CCSER1: variants seen among roughly 807,000 people sequenced by gnomAD.
CCSER1 encodes serine-rich coiled-coil domain-containing protein 1.
Under a neutral mutation model 82.0 loss-of-function variants are expected in CCSER1, and 41 were observed. That is an observed-to-expected ratio of 0.50 (90% CI 0.39 to 0.65). The LOEUF is 0.65. CCSER1 is among the 30% of genes least tolerant of loss of function. The probability of loss-of-function intolerance (pLI) is 0.00; values close to 1 mark genes in which losing one functional copy is unlikely to be tolerated. For missense variants in CCSER1, 1,119 were observed against 1,064.2 expected, an observed-to-expected ratio of 1.05 and a Z score of -0.72; for synonymous variants, 414 against 383.9, an observed-to-expected ratio of 1.08 and a Z score of -0.92.
chr4:91,197,734 C>T (rs1057304986), intron 10 of CCSER1, among the ~76,000 whole-genome samples: 1 of 152,140 alleles, frequency 6.6e-6, no homozygotes, highest in Admixed American at 6.5e-5. Context: ...TGGACAGCAG[C>T]ACTCTAACCC....
intron 10 of CCSER1, among the ~76,000 whole-genome samples, chr4:91,327,188 TAG>T (rs1444686463): frequency 6.6e-6 from 1 of 152,188 alleles, no homozygotes; most frequent in African/African-American, 2.4e-5. Flanking sequence ...ACTTCCCTAG[TAG>T]AGTTTCTCCG....
At chr4:90,209,403 C>T (rs1192803033) in intron 1 of CCSER1, among the ~76,000 whole-genome samples, 1 of 152,084 alleles carries the variant, frequency 6.6e-6, no homozygotes, top group Non-Finnish European at 1.5e-5. Context: ...TGAGGGCAAT[C>T]AGTTCTAAGG....
At chr4:90,767,516 A>C (rs904615483) in intron 7 of CCSER1, among the ~76,000 whole-genome samples, 3 of 152,190 alleles carry the variant, frequency 2.0e-5, no homozygotes, top group Non-Finnish European at 1.5e-5. Context: ...TTGTGAACTT[A>C]AAAGGCAACT....
intron 10 of CCSER1, among the ~76,000 whole-genome samples, chr4:91,561,698 A>T (rs1399905141): frequency 2.0e-5 from 3 of 151,466 alleles, no homozygotes; most frequent in Non-Finnish European, 3.0e-5. Context: ...GAAATCAATA[A>T]ATGTTTTTAT....
rs1463582532 is a variant in CCSER1 at position 90,271,858 on chromosome 4, A to T, written c.-41-36386A>T. On this transcript the variant is annotated intron_variant, in intron 1 of 10. Coordinates refer to ENST00000509176, the MANE Select transcript of CCSER1 (RefSeq NM_001145065.2). ...TATATATATATATATATATATATAT[A>T]TATATTTTTTTTTTTTTTTTTTTTT... Among the ~76,000 whole-genome samples, 71 of 24,362 alleles carry T rather than the reference A, an allele frequency of 2.9e-3. 2 individuals carry two copies. The highest frequency in any genetic ancestry group is 0.011 in the African/African-American group (27 of 2,480). The allele number at this position is 24,362 out of a possible 152,430, so 16.0% of individuals were successfully genotyped here.
intron 1 of CCSER1, among the ~76,000 whole-genome samples, chr4:90,283,453 G>T (rs190740804): frequency 4.1e-4 from 62 of 151,730 alleles, no homozygotes; most frequent in African/African-American, 1.4e-3. Flanking sequence ...CAGGATAATT[G>T]GAAAAATATC....
intron 9 of CCSER1, among the ~76,000 whole-genome samples, chr4:91,023,854 A>G (rs545428447): frequency 1.3e-5 from 2 of 152,296 alleles, no homozygotes; most frequent in South Asian, 4.1e-4. Context: ...GACCCACAAA[A>G]TGTTGCTGAT....
intron 9 of CCSER1, among the ~76,000 whole-genome samples, chr4:91,031,284 GTCT>G (rs1350435177): frequency 3.9e-5 from 6 of 152,228 alleles, no homozygotes; most frequent in African/African-American, 1.4e-4. Context: ...TTGGGATAAA[GTCT>G]TCTTCTGATA....
chr4:91,419,570 C>T (rs2149381742), intron 10 of CCSER1, among the ~76,000 whole-genome samples: 1 of 152,028 alleles, frequency 6.6e-6, no homozygotes, highest in East Asian at 1.9e-4. Context: ...GGCACAAATG[C>T]AAAGGTATCT....
chr4:90,756,734 G>A (rs1009785742), intron 7 of CCSER1, among the ~76,000 whole-genome samples: 5 of 152,106 alleles, frequency 3.3e-5, no homozygotes, highest in African/African-American at 1.2e-4. Flanking sequence ...GAATTACCAG[G>A]AGACAAGAAC....
chr4:90,629,434 C>A (rs142932041), intron 6 of CCSER1, among the ~76,000 whole-genome samples: 1 of 152,172 alleles, frequency 6.6e-6, no homozygotes, highest in African/African-American at 2.4e-5. Context: ...ACGTCTTACA[C>A]GGCGGCAGGC....
intron 5 of CCSER1, among the ~76,000 whole-genome samples, chr4:90,482,399 CT>C (rs1387143883): frequency 6.6e-6 from 1 of 152,096 alleles, no homozygotes; most frequent in African/African-American, 2.4e-5. Context: ...TTAGTTATTT[CT>C]TGCCTTCTGC....
rs1251057665 is a variant in CCSER1, at chr4:90,309,490, A to G, written c.1206A>G (p.Ala402=). The G allele has an allele frequency of 1.2e-6, 2 of 1,613,764 alleles. No homozygotes were observed. Among genetic ancestry groups the G allele is most frequent in the Middle Eastern group, 1.6e-4 (1 of 6,080 alleles). The part of the protein sequence containing the change: ...RKLGFYEQHK[A]IAEHVKGIHP... ...TTGGATTTTATGAGCAACATAAAGCAATAGCGGAACATGTAAAAGGGATCC... is the reference window on the plus strand; with the variant it reads ...TTGGATTTTATGAGCAACATAAAGCGATAGCGGAACATGTAAAAGGGATCC... The change falls in exon 2 of 11, where the codon GCA becomes GCG. Residue 402 remains alanine, a synonymous_variant. Transcript: ENST00000509176.
At chr4:90,903,410 G>A (rs547438480) in intron 8 of CCSER1, among the ~76,000 whole-genome samples, 64 of 152,114 alleles carry the variant, frequency 4.2e-4, no homozygotes, top group African/African-American at 1.2e-3. Flanking sequence ...CTCCTCAGCC[G>A]TCTGGATCTG....
At chr4:91,411,501 T>TGCAGAA (rs1753029682) in intron 10 of CCSER1, among the ~76,000 whole-genome samples, 1 of 62,460 alleles carries the variant, frequency 1.6e-5, no homozygotes, top group Non-Finnish European at 3.6e-5. Flanking sequence ...CATATATATA[T>TGCAGAA]ATATATATAT....
chr4:90,692,525 A>G (rs965775094), intron 6 of CCSER1, among the ~76,000 whole-genome samples: 1 of 152,006 alleles, frequency 6.6e-6, no homozygotes, highest in Admixed American at 6.6e-5. Context: ...CGGCAGTAAC[A>G]TTAAGGGACA....
intron 3 of CCSER1, chr4:90,325,793 C>T: frequency 7.8e-6 from 2 of 257,498 alleles, no homozygotes; most frequent in Admixed American, 4.1e-5. Context: ...ATTAAATTAA[C>T]ATCAATAAAT....
intron 10 of CCSER1, among the ~76,000 whole-genome samples, chr4:91,284,029 T>C (rs1335550065): frequency 6.6e-6 from 1 of 152,138 alleles, no homozygotes; most frequent in African/African-American, 2.4e-5. Context: ...TATCTGTTTG[T>C]CATTATCCAG....
intron 4 of CCSER1, among the ~76,000 whole-genome samples, chr4:90,429,503 A>G (rs1051677229): frequency 6.6e-6 from 1 of 151,896 alleles, no homozygotes; most frequent in African/African-American, 2.4e-5. Context: ...AAAACCTACT[A>G]TTATAGCTTA....
Sources: allele counts gnomAD v4.1 joint callset (sites outside exome capture counted in the v4.1 genomes callset), GRCh38; gene constraint gnomAD v4.1.1; transcripts MANE v1.5; gene names NCBI Gene and HGNC (gene_info 2026-07-23, HGNC 2026-07-21).